The following CBLN2 variants were observed in gnomAD, a reference collection of about 807,000 sequenced individuals.
CBLN2 encodes the protein cerebellin 2 precursor, also known as cerebellin-2.
A neutral mutation model predicts 15.0 loss-of-function variants in CBLN2; 7 were observed. The observed-to-expected ratio is 0.47, with a 90% CI of 0.27 to 0.88. The LOEUF is 0.88. CBLN2 is among the 40% of genes least tolerant of loss of function. CBLN2 has a pLI of 0.14. For missense variants in CBLN2, 242 were observed against 304.5 expected (o/e 0.79, Z 1.53); for synonymous variants, 149 against 135.2 (o/e 1.10, Z -0.71).
rs1182370069 is a variant in CBLN2 at position 72,551,331 on chromosome 18, T to C, written c.16-12559A>G. ...ATTGAAGATACCTTTATTTTATTGG[T>C]GTATGTTTTGGTTTATAGAGGTTTC... On this transcript the variant is annotated intron_variant, in intron 1 of 2. Transcript: ENST00000581073. Among the ~76,000 whole-genome samples the C allele has an allele frequency of 1.4e-4, 21 of 152,162 alleles. 1 individual carries two copies. Among genetic ancestry groups the C allele is most frequent in the Non-Finnish European group, 3.1e-4 (21 of 68,036 alleles).
chr18:72,635,591 A>G (rs2069807175), intron 1 of CBLN2, among the ~76,000 whole-genome samples: 1 of 152,222 alleles, frequency 6.6e-6, no homozygotes, highest in Admixed American at 6.5e-5. Context: ...TAGAAAAAAC[A>G]TTAACCTTTT....
At chr18:72,579,457 A>T (rs56924906) in intron 1 of CBLN2, among the ~76,000 whole-genome samples, 21,981 of 152,136 alleles carry the variant, frequency 0.14, 3,889 homozygotes, top group African/African-American at 0.42. Flanking sequence ...TATTCTAAGA[A>T]CTAGTAATAC....
chr18:72,575,550 C>G (rs1256973171), intron 1 of CBLN2, among the ~76,000 whole-genome samples: 2 of 152,046 alleles, frequency 1.3e-5, no homozygotes, highest in South Asian at 4.1e-4. Context: ...GAAGGGAGGT[C>G]CATTTCTCCA....
chr18:72,560,979 C>G (rs555144509), intron 1 of CBLN2, among the ~76,000 whole-genome samples: 1 of 151,560 alleles, frequency 6.6e-6, no homozygotes, highest in African/African-American at 2.4e-5. Flanking sequence ...ACCGTACTCC[C>G]GCCTGGGTGA....
intron 1 of CBLN2, among the ~76,000 whole-genome samples, chr18:72,565,759 A>AT (rs2069290797): frequency 6.6e-6 from 1 of 152,166 alleles, no homozygotes; most frequent in African/African-American, 2.4e-5. Flanking sequence ...CTGAGCAAAG[A>AT]TTTTTTGGCT....
chr18:72,543,489 G>C lies in CBLN2; in HGVS notation c.-170C>G, dbSNP rs147654179. The C allele has an allele frequency of 1.1e-3, 442 of 398,842 alleles. 2 individuals are homozygous for C. Among genetic ancestry groups the C allele is most frequent in the African/African-American group, 8.0e-3 (391 of 48,736 alleles). The allele number at this position is 398,842 out of a possible 1,614,324, so 24.7% of individuals were successfully genotyped here. ...AGGGCAGGTCGGGGGTGGTTACCTG[G>C]AACATCCATGCTGGGCGAGCTCCGC... On this transcript the variant is annotated 5_prime_UTR_variant, in exon 2 of 5. Coordinates refer to ENST00000269503, the MANE Select transcript of CBLN2 (RefSeq NM_182511.4). This position sits in a 1 kb window ranked among gnomAD's most constrained non-coding sequence, Gnocchi z 6.8.
chr18:72,629,945 A>G (rs1221634633), intron 1 of CBLN2, among the ~76,000 whole-genome samples: 2 of 152,168 alleles, frequency 1.3e-5, no homozygotes, highest in Admixed American at 6.6e-5. Context: ...GAACCAGCCA[A>G]CTTGTCTCTT....
chr18:72,605,813 C>A (rs574011079), intron 1 of CBLN2, among the ~76,000 whole-genome samples: 8 of 152,212 alleles, frequency 5.3e-5, no homozygotes, highest in Admixed American at 3.9e-4. Context: ...CACGGCCCAG[C>A]CTTCCTTCTT....
intron 1 of CBLN2, among the ~76,000 whole-genome samples, chr18:72,581,892 A>G (rs181209222): frequency 2.6e-5 from 4 of 152,274 alleles, no homozygotes; most frequent in African/African-American, 9.6e-5. Context: ...TTGCATGTCT[A>G]TGTTCAATCT....
At chr18:72,618,739 G>T in intron 1 of CBLN2, 1 of 719,432 alleles carries the variant, frequency 1.4e-6, no homozygotes, top group South Asian at 1.3e-5. Context: ...CCATGACTCC[G>T]TGGATGACAC....
intron 1 of CBLN2, among the ~76,000 whole-genome samples, chr18:72,636,287 T>C (rs1001529448): frequency 2.0e-5 from 3 of 152,238 alleles, no homozygotes; most frequent in Non-Finnish European, 2.9e-5. Context: ...GCATCTATTT[T>C]CTTCACTCAG....
At chr18:72,636,548 A>T (rs947785068) in intron 1 of CBLN2, among the ~76,000 whole-genome samples, 1 of 152,186 alleles carries the variant, frequency 6.6e-6, no homozygotes, top group Non-Finnish European at 1.5e-5. Context: ...CATCCACGAT[A>T]TGTGGATATG....
chr18:72,550,733 T>C (rs1210481749), intron 1 of CBLN2, among the ~76,000 whole-genome samples: 2 of 152,080 alleles, frequency 1.3e-5, no homozygotes, highest in African/African-American at 2.4e-5. Flanking sequence ...TTGTAAATCC[T>C]CTATGTGCCT....
At chr18:72,625,386 G>C (rs1249539662) in intron 1 of CBLN2, among the ~76,000 whole-genome samples, 1 of 151,922 alleles carries the variant, frequency 6.6e-6, no homozygotes, top group Non-Finnish European at 1.5e-5. Context: ...TCTAAATTGG[G>C]ACCCTCCTTG....
chr18:72,549,069 T>A (rs1803751772), upstream of CBLN2, among the ~76,000 whole-genome samples: 1 of 152,160 alleles, frequency 6.6e-6, no homozygotes. Flanking sequence ...CGGAGGGCAA[T>A]GACACAATCT....
At chr18:72,605,718 A>G (rs922290590) in intron 1 of CBLN2, among the ~76,000 whole-genome samples, 1 of 152,234 alleles carries the variant, frequency 6.6e-6, no homozygotes, top group Non-Finnish European at 1.5e-5. Flanking sequence ...GCACTACATA[A>G]GAGTTTTCTA....
intron 1 of CBLN2, among the ~76,000 whole-genome samples, chr18:72,599,319 GA>G (rs1361817945): frequency 3.9e-5 from 6 of 152,160 alleles, no homozygotes; most frequent in Non-Finnish European, 7.3e-5. Context: ...TATTAGATAA[GA>G]ATGGAGTTAA....
chr18:72,606,716 C>G (rs1334189082), intron 1 of CBLN2, among the ~76,000 whole-genome samples: 1 of 152,308 alleles, frequency 6.6e-6, no homozygotes, highest in South Asian at 2.1e-4. Context: ...GGAGAAGATA[C>G]CAGCTCGGCC....
intron 1 of CBLN2, among the ~76,000 whole-genome samples, chr18:72,615,057 A>ATAT (rs1568132372): frequency 7.3e-6 from 1 of 137,522 alleles, no homozygotes; most frequent in Non-Finnish European, 1.5e-5. Context: ...ATATATATAT[A>ATAT]AATATATATA....
Sources: allele counts gnomAD v4.1 joint callset (sites outside exome capture counted in the v4.1 genomes callset), GRCh38; gene constraint gnomAD v4.1.1; non-coding constraint Gnocchi (gnomAD v3.1); transcripts MANE v1.5; gene names NCBI Gene and HGNC (gene_info 2026-07-23, HGNC 2026-07-21).